Variants in TMPRSS4 observed in about 807,000 individuals in gnomAD.
The protein encoded by TMPRSS4 is transmembrane protease serine 4.
A neutral mutation model predicts 56.4 loss-of-function variants in TMPRSS4; 45 were observed. That is an observed-to-expected ratio of 0.80 (90% CI 0.63 to 1.02). The LOEUF is 1.02. Among genes scored for constraint, TMPRSS4 ranks in the 50% least tolerant of loss-of-function variants. The pLI is 0.00. For missense variants in TMPRSS4, 546 were observed against 556.7 expected (o/e 0.98, Z 0.19); for synonymous variants, 205 against 211.0 (o/e 0.97, Z 0.25).
chr11:118,125,085 G>C (rs1018133860), downstream of TMPRSS4, among the ~76,000 whole-genome samples: 1 of 152,194 alleles, frequency 6.6e-6, no homozygotes, highest in African/African-American at 2.4e-5. Context: ...GGGTTGGGTG[G>C]CCTTCGTTGC....
chr11:118,079,130 G>A (rs551525883), intron 1 of TMPRSS4, among the ~76,000 whole-genome samples: 1 of 152,220 alleles, frequency 6.6e-6, no homozygotes, highest in South Asian at 2.1e-4. Flanking sequence ...GCAGCAGCAT[G>A]GCCAATCTCC....
At chr11:118,078,775 C>G (rs556809896) in intron 1 of TMPRSS4, among the ~76,000 whole-genome samples, 132 of 152,258 alleles carry the variant, frequency 8.7e-4, no homozygotes, top group Non-Finnish European at 1.4e-3. Context: ...GAGGCCAGCT[C>G]CCTGATTAGC....
At chr11:118,117,020 G>C (rs1269145128) in intron 11 of TMPRSS4, among the ~76,000 whole-genome samples, 2 of 152,100 alleles carry the variant, frequency 1.3e-5, no homozygotes, top group Non-Finnish European at 2.9e-5. Flanking sequence ...CAACAACCAG[G>C]CTTTTTTAAG....
chr11:118,080,234 G>T (rs964121210), intron 1 of TMPRSS4, among the ~76,000 whole-genome samples: 3 of 152,224 alleles, frequency 2.0e-5, no homozygotes, highest in African/African-American at 4.8e-5. Flanking sequence ...TCCTGGAAGA[G>T]AAACTATTTG....
At chr11:118,112,207 A>G (rs897292209) in intron 8 of TMPRSS4, among the ~76,000 whole-genome samples, 1 of 151,966 alleles carries the variant, frequency 6.6e-6, no homozygotes, top group Non-Finnish European at 1.5e-5. Context: ...TCAACTTCCA[A>G]GAACTCACTC....
At chr11:118,092,612 C>G (rs1264487247) in intron 1 of TMPRSS4, among the ~76,000 whole-genome samples, 1 of 152,210 alleles carries the variant, frequency 6.6e-6, no homozygotes, top group Non-Finnish European at 1.5e-5. Flanking sequence ...CTGCATGACT[C>G]CTAAACCATA....
chr11:118,100,537 C>T (rs907809260), intron 3 of TMPRSS4, among the ~76,000 whole-genome samples: 1 of 152,098 alleles, frequency 6.6e-6, no homozygotes, highest in Non-Finnish European at 1.5e-5. Flanking sequence ...ATTTCCATCT[C>T]GTGGCGGTGG....
At chr11:118,123,600 G>A (rs1947837001), downstream of TMPRSS4, among the ~76,000 whole-genome samples, 1 of 152,126 alleles carries the variant, frequency 6.6e-6, no homozygotes, top group Non-Finnish European at 1.5e-5. Context: ...TCGGCTCACT[G>A]CGAGCTCCGT....
intron 6 of TMPRSS4, 138 bp from the exon 7 acceptor site, chr11:118,108,717 CA>C (rs1450852868): frequency 1.3e-6 from 1 of 768,708 alleles, no homozygotes; most frequent in Non-Finnish European, 2.2e-6. Context: ...ATGCAGTCTC[CA>C]AATGTTCCCC....
At chr11:118,107,252 C>T (rs1947040299) in intron 5 of TMPRSS4, 1 of 152,228 alleles carries the variant, frequency 6.6e-6, no homozygotes, top group Admixed American at 6.5e-5. Context: ...CATATGAAGA[C>T]AGATCTAGTC....
intron 1 of TMPRSS4, among the ~76,000 whole-genome samples, chr11:118,089,805 C>T (rs1289395125): frequency 1.3e-5 from 2 of 152,160 alleles, no homozygotes; most frequent in Admixed American, 6.5e-5. Flanking sequence ...TATATGTAAT[C>T]TTTTGGGACT....
chr11:118,088,147 C>T (rs1447702291), intron 1 of TMPRSS4: 1 of 152,220 alleles, frequency 6.6e-6, no homozygotes, highest in African/African-American at 2.4e-5. Flanking sequence ...TTCCTGAAAC[C>T]ATGGGGAAAT....
intron 9 of TMPRSS4, 73 bp downstream of exon 9, chr11:118,113,508 G>T: frequency 6.5e-7 from 1 of 1,546,980 alleles, no homozygotes; most frequent in South Asian, 1.2e-5. Context: ...TTAGCTCACT[G>T]ACCGCCCTTG....
chr11:118,118,162 A>G lies in TMPRSS4; in HGVS notation c.*249A>G, dbSNP rs1947663141. ...CTCCCAGCATCCCAGGGAGAGACACAGCCCACTGAACAAGGTCTCAGGGGT... is the reference window on the plus strand; with the variant it reads ...CTCCCAGCATCCCAGGGAGAGACACGGCCCACTGAACAAGGTCTCAGGGGT... On this transcript the variant is annotated 3_prime_UTR_variant, in exon 13 of 13. Transcript: ENST00000437212. The G allele has an allele frequency of 2.1e-6, 3 of 1,414,470 alleles. No homozygotes were observed. In the African/African-American group the frequency reaches 4.3e-5, roughly 20 times the overall value. 87.6% of individuals were successfully genotyped at this position (1,414,470 alleles called of 1,614,324 possible).
chr11:118,112,379 C>CTTTTTTTTTT (rs71469160), intron 8 of TMPRSS4, among the ~76,000 whole-genome samples: 3 of 45,724 alleles, frequency 6.6e-5, no homozygotes, highest in African/African-American at 9.0e-5. Context: ...ACCCCCTTCA[C>CTTTTTTTTTT]TTTTTTTTTT....
intron 7 of TMPRSS4, among the ~76,000 whole-genome samples, chr11:118,109,797 G>C (rs1409211218): frequency 6.6e-6 from 1 of 152,210 alleles, no homozygotes; most frequent in Non-Finnish European, 1.5e-5. Context: ...TTTCCTGCAG[G>C]ATGTTGAGAG....
chr11:118,094,783 C>A (rs767843983), intron 1 of TMPRSS4, 33 bp from the exon 2 acceptor site: 2 of 1,601,302 alleles, frequency 1.2e-6, no homozygotes, highest in African/African-American at 1.3e-5. Context: ...TGAGAGGCTC[C>A]CTGCCTCAAC....
chr11:118,116,491 T>C lies in TMPRSS4; in HGVS notation c.1153-814T>C, dbSNP rs530429314. 6.6e-5 allele frequency among the ~76,000 whole-genome samples: 10 copies of C among 152,336 alleles called. No homozygotes were observed. The East Asian group carries it at 1.9e-3, about 29-fold the overall frequency. On this transcript the variant is annotated intron_variant, in intron 11 of 12. Coordinates refer to ENST00000437212, the MANE Select transcript of TMPRSS4 (RefSeq NM_019894.4). ...AGGGGCTAAAACAGCTGATAAGGAC[T>C]CCCAGATAAGTGCACTTTTCACTAT...
At chr11:118,108,600 G>A in intron 6 of TMPRSS4, 1 of 496,322 alleles carries the variant, frequency 2.0e-6, no homozygotes, top group Non-Finnish European at 3.5e-6. Context: ...AGGAGCCCAG[G>A]CTGGGCTTTG....
Sources: allele counts gnomAD v4.1 joint callset (sites outside exome capture counted in the v4.1 genomes callset), GRCh38; gene constraint gnomAD v4.1.1; transcripts MANE v1.5; gene names NCBI Gene and HGNC (gene_info 2026-07-23, HGNC 2026-07-21).